The following BAIAP2L1 variants were observed in gnomAD, a reference collection of about 807,000 sequenced individuals.
BAIAP2L1 encodes the protein BAR/IMD domain-containing adapter protein 2-like 1.
A neutral mutation model predicts 66.3 loss-of-function variants in BAIAP2L1; 35 were observed. That is an observed-to-expected ratio of 0.53 (90% CI 0.40 to 0.70). The LOEUF (loss-of-function observed/expected upper bound fraction) is 0.70. Ranked by LOEUF, BAIAP2L1 falls within the 30% of genes least tolerant of loss-of-function variation. The probability of loss-of-function intolerance (pLI) is 0.00; values close to 1 mark genes in which losing one functional copy is unlikely to be tolerated. For synonymous variants in BAIAP2L1, 269 were observed against 248.7 expected (o/e 1.08, Z -0.77); for missense variants, 622 against 656.9 (o/e 0.95, Z 0.58).
intron 1 of BAIAP2L1, among the ~76,000 whole-genome samples, chr7:98,377,886 G>A (rs1802670616): frequency 6.8e-6 from 1 of 146,946 alleles, no homozygotes; most frequent in Admixed American, 6.9e-5. Context: ...CCAGCACTTT[G>A]GGAGGCCGAG....
At chr7:98,339,295 T>TA (rs1455536808) in intron 3 of BAIAP2L1, among the ~76,000 whole-genome samples, 1 of 152,184 alleles carries the variant, frequency 6.6e-6, no homozygotes, top group East Asian at 1.9e-4. Context: ...TCTGACTTTT[T>TA]AATTGTGGCC....
intron 2 of BAIAP2L1, among the ~76,000 whole-genome samples, chr7:98,358,555 C>G (rs189630375): frequency 6.6e-6 from 1 of 151,822 alleles, no homozygotes; most frequent in African/African-American, 2.4e-5. Context: ...TAGGGTCTCA[C>G]TATGTTGCCC....
At chr7:98,333,814 G>T (rs2115597884) in intron 3 of BAIAP2L1, among the ~76,000 whole-genome samples, 1 of 125,220 alleles carries the variant, frequency 8.0e-6, no homozygotes, top group Admixed American at 1.1e-4. Context: ...CAGTACTCCA[G>T]TCTTCATCTT....
At chr7:98,312,425 C>G (rs1181256638) in intron 7 of BAIAP2L1, among the ~76,000 whole-genome samples, 161 bp from the exon 8 acceptor site, 4 of 152,214 alleles carry the variant, frequency 2.6e-5, no homozygotes, top group Non-Finnish European at 5.9e-5. Context: ...CCTAGAGGAT[C>G]AGCTGTGTCT....
chr7:98,374,062 C>A (rs1251877910), intron 1 of BAIAP2L1, among the ~76,000 whole-genome samples: 1 of 152,292 alleles, frequency 6.6e-6, no homozygotes, highest in East Asian at 1.9e-4. Flanking sequence ...AAGCACTCCT[C>A]CCACCTCAGC....
intron 10 of BAIAP2L1, chr7:98,306,740 C>T (rs1800672779): frequency 1.7e-6 from 1 of 595,300 alleles, no homozygotes; most frequent in Non-Finnish European, 2.8e-6. Context: ...CAGGGTCTCG[C>T]TCTGTTGCCC....
chr7:98,385,326 G>A (rs144421272), intron 1 of BAIAP2L1, among the ~76,000 whole-genome samples: 101 of 151,996 alleles, frequency 6.6e-4, no homozygotes, highest in African/African-American at 1.9e-3. Flanking sequence ...ATAAAATTGC[G>A]GCCTTTGCGA....
At chr7:98,362,765 T>C (rs1261439310) in intron 1 of BAIAP2L1, among the ~76,000 whole-genome samples, 1 of 152,126 alleles carries the variant, frequency 6.6e-6, no homozygotes, top group African/African-American at 2.4e-5. Flanking sequence ...TTTGAGTGGA[T>C]TGCTAATGGT....
intron 1 of BAIAP2L1, among the ~76,000 whole-genome samples, chr7:98,364,565 C>T (rs1407194136): frequency 6.6e-6 from 1 of 152,132 alleles, no homozygotes; most frequent in African/African-American, 2.4e-5. Context: ...CAAAAATGAT[C>T]TAAGAACTAA....
At chr7:98,384,144 A>T (rs1802830422) in intron 1 of BAIAP2L1, among the ~76,000 whole-genome samples, 1 of 147,668 alleles carries the variant, frequency 6.8e-6, no homozygotes. Context: ...ACAAGAGTGA[A>T]ACTCCGTCTC....
At chr7:98,399,619 G>T (rs1208360279) in intron 1 of BAIAP2L1, among the ~76,000 whole-genome samples, 1 of 152,118 alleles carries the variant, frequency 6.6e-6, no homozygotes, top group Non-Finnish European at 1.5e-5. Flanking sequence ...AAGTTTCAAG[G>T]GTTCGAAGCG....
intron 1 of BAIAP2L1, among the ~76,000 whole-genome samples, chr7:98,387,724 G>A (rs1275925046): frequency 1.3e-5 from 2 of 151,828 alleles, no homozygotes; most frequent in African/African-American, 4.8e-5. Flanking sequence ...AAAATTAGCT[G>A]GGCGTGGTGG....
intron 1 of BAIAP2L1, among the ~76,000 whole-genome samples, chr7:98,369,820 TG>T (rs1802470254): frequency 6.6e-6 from 1 of 151,984 alleles, no homozygotes; most frequent in African/African-American, 2.4e-5. Flanking sequence ...TACAGATGCC[TG>T]CTACCACACC....
intron 9 of BAIAP2L1, chr7:98,309,770 C>G (rs1267069278): frequency 6.6e-6 from 1 of 151,794 alleles, no homozygotes; most frequent in Non-Finnish European, 1.5e-5. Context: ...GGCCATGGCA[C>G]AGGTCTCGAG....
At position 98,308,361 on chromosome 7, in the gene BAIAP2L1, G is replaced by A. The variant is rs549711938; in HGVS notation, c.956-465C>T. On this transcript the variant is annotated intron_variant, in intron 9 of 13. Coordinates refer to ENST00000005260, the MANE Select transcript of BAIAP2L1 (RefSeq NM_018842.5). ...TGCAGTTGGTCTTGCCATGCTGGCCGCTCAGCTTCTCACCCCCAGGCCTAA... is the reference window on the plus strand; with the variant it reads ...TGCAGTTGGTCTTGCCATGCTGGCCACTCAGCTTCTCACCCCCAGGCCTAA... The A allele has an allele frequency of 2.7e-3, 1,217 of 445,254 alleles. 4 individuals are homozygous for A. The highest frequency in any genetic ancestry group is 3.4e-3 in the Non-Finnish European group (751 of 220,450). The allele number at this position is 445,254 out of a possible 1,614,324, so 27.6% of individuals were successfully genotyped here.
At chr7:98,348,668 T>C in intron 3 of BAIAP2L1, among the ~76,000 whole-genome samples, 1 of 152,180 alleles carries the variant, frequency 6.6e-6, no homozygotes, top group East Asian at 1.9e-4. Flanking sequence ...ATTGTCACTG[T>C]TTTTAAATTC....
In BAIAP2L1 at chr7:98,362,557, A is replaced by AG. The variant is rs1802295434; in HGVS notation, c.52-126_52-125insC. ...AACAGCACAGTCTACAAAGTAATGA[A>AG]TGCTGATGTAAAAATAATGAAGCAC... On this transcript the variant is annotated intron_variant, in intron 1 of 13. Coordinates refer to ENST00000005260, the MANE Select transcript of BAIAP2L1 (RefSeq NM_018842.5). The AG allele has an allele frequency of 4.2e-6, 3 of 712,884 alleles. No homozygotes were observed. The South Asian group carries it at 6.2e-5, about 15-fold the overall frequency. 44.2% of individuals were successfully genotyped at this position (712,884 alleles called of 1,614,324 possible). A position where few individuals can be genotyped will look rare whatever the true frequency, so the allele number is the denominator to read the frequency against.
chr7:98,341,775 G>C (rs1784828228), intron 3 of BAIAP2L1, among the ~76,000 whole-genome samples: 1 of 152,110 alleles, frequency 6.6e-6, no homozygotes. Flanking sequence ...GCTTAGAACT[G>C]TGCCTGGCAT....
chr7:98,392,826 G>T (rs1466503053), intron 1 of BAIAP2L1, among the ~76,000 whole-genome samples: 6 of 151,788 alleles, frequency 4.0e-5, no homozygotes, highest in Admixed American at 4.0e-4. Flanking sequence ...ACAGATTCTT[G>T]CTGCCACCCA....
Sources: gnomAD v4.1 joint callset for allele counts (sites outside exome capture counted in the v4.1 genomes callset) on GRCh38, gnomAD v4.1.1 for gene constraint, MANE v1.5 for transcripts, NCBI Gene and HGNC (gene_info 2026-07-23, HGNC 2026-07-21) for gene names.